The following GRHL2 variants were observed in gnomAD, a reference collection of about 807,000 sequenced individuals.
GRHL2 encodes the protein grainyhead-like protein 2 homolog.
GRHL2 carries 21 observed loss-of-function variants against 83.8 expected under a neutral mutation model. The observed-to-expected ratio is 0.25, with a 90% confidence interval of 0.18 to 0.36. The LOEUF (loss-of-function observed/expected upper bound fraction) is 0.36. GRHL2 is among the 10% of genes least tolerant of loss of function. GRHL2 has a pLI of 1.00. For missense variants in GRHL2, 623 were observed against 781.8 expected (o/e 0.80, Z 2.42); for synonymous variants, 280 against 278.9 (o/e 1.00, Z -0.04).
Position 101,669,691 on chromosome 8 carries a change from G to A in GRHL2, c.*2988G>A, listed in dbSNP as rs1814169683. 1 of 126,118 alleles carries A rather than the reference G, an allele frequency of 7.9e-6. No individual in the cohort carries two copies. The highest frequency in any genetic ancestry group is 3.1e-4 in the South Asian group (1 of 3,256). 7.8% of individuals were successfully genotyped at this position (126,118 alleles called of 1,614,324 possible). ...TATTTTATTTTTTGTACATTTTTAA[G>A]GAGAAAAAATAAATATTCATAACAT... On this transcript the variant is annotated 3_prime_UTR_variant, in exon 16 of 16. Transcript: ENST00000646743.
chr8:101,565,231 G>A (rs1282890225), intron 4 of GRHL2, among the ~76,000 whole-genome samples: 1 of 151,970 alleles, frequency 6.6e-6, no homozygotes, highest in Non-Finnish European at 1.5e-5. Context: ...AATATACAAT[G>A]GAGTGGTATT....
chr8:101,586,065 CTTT>C lies in GRHL2; in HGVS notation c.1003+8569_1003+8571del, dbSNP rs67985027. ...TCTTCTTTCCTTCCACCTCATGTTT[CTTT>C]TTTTTTTTTTTTTTTTTTTTTTGAG... On this transcript the variant is annotated intron_variant, in intron 7 of 15. Transcript: ENST00000646743. Among the ~76,000 whole-genome samples the C allele has an allele frequency of 6.3e-3, 594 of 94,124 alleles. 2 individuals are homozygous for C. The highest frequency in any genetic ancestry group is 9.4e-3 in the Non-Finnish European group (449 of 47,664). The allele number at this position is 94,124 out of a possible 152,430, so 61.7% of individuals were successfully genotyped here.
chr8:101,570,215 TA>T (rs1215960023), intron 4 of GRHL2, 123 bp from the exon 5 acceptor site: 2 of 835,042 alleles, frequency 2.4e-6, no homozygotes, highest in African/African-American at 3.4e-5. Context: ...GTTGAAAACA[TA>T]ATATCAAATA....
intron 1 of GRHL2, among the ~76,000 whole-genome samples, chr8:101,537,103 A>T (rs1007272021): frequency 6.6e-6 from 1 of 152,174 alleles, no homozygotes; most frequent in Non-Finnish European, 1.5e-5. Flanking sequence ...AAAGGACATG[A>T]TCTTGTTCTT....
intron 1 of GRHL2, among the ~76,000 whole-genome samples, chr8:101,502,995 G>A (rs1810262934): frequency 6.6e-6 from 1 of 152,184 alleles, no homozygotes; most frequent in African/African-American, 2.4e-5. Context: ...AGCAGCCGCA[G>A]TTTCACTTCA....
At chr8:101,509,117 C>CT (rs1810399933) in intron 1 of GRHL2, among the ~76,000 whole-genome samples, 1 of 57,828 alleles carries the variant, frequency 1.7e-5, no homozygotes, top group South Asian at 6.3e-4. Flanking sequence ...CTCCTTCCTT[C>CT]CTTCCTTCCT....
At position 101,543,281 on chromosome 8, in the gene GRHL2, C is replaced by A. The variant is rs898759692; in HGVS notation, c.61C>A (p.Pro21Thr). Residue 21 changes from proline (P) to threonine (T), a missense_variant, in exon 2 of 16, where the codon CCT (proline) becomes ACT (threonine). This residue lies in a region of GRHL2 where 39 missense variants were observed against 34.8 expected (regional missense o/e 1.12). Transcript: ENST00000646743. ...LVALVPMPSD[P>T]PFNTRRAYTS... ...GGCCTTAGTGCCCATGCCCAGTGAC[C>A]CTCCATTCAATACCCGAAGAGCCTA... 6.2e-7 allele frequency: 1 copy of A among 1,613,912 alleles called. No individual in the cohort carries two copies. Among genetic ancestry groups the A allele is most frequent in the Admixed American group, 1.7e-5 (1 of 60,000 alleles).
chr8:101,549,281 G>A (rs1051778008), intron 2 of GRHL2, among the ~76,000 whole-genome samples: 1 of 152,186 alleles, frequency 6.6e-6, no homozygotes, highest in Non-Finnish European at 1.5e-5. Context: ...ACATTGAGAT[G>A]GGAGACGTAT....
rs140423160 is a variant in GRHL2 at position 101,570,349 on chromosome 8, G to A, written c.689G>A (p.Ser230Asn). 1.1e-4 allele frequency: 178 copies of A among 1,613,924 alleles called. 2 individuals carry two copies. In the African/African-American group the frequency reaches 1.8e-3, roughly 16 times the overall value. The change falls in exon 5 of 16, where the codon AGT (serine) becomes AAT (asparagine). Residue 230 changes from serine (S) to asparagine (N), a missense_variant. Physicochemically the swap from Ser to Asn is conservative, Grantham distance 46. Around this residue, in one of 8 missense-constraint regions of GRHL2, gnomAD observed 239 missense variants for 240.5 expected, o/e 0.99. Coordinates refer to ENST00000646743, the MANE Select transcript of GRHL2 (RefSeq NM_024915.4). The stretch of plus-strand genomic sequence containing the variant: ...ACTCATATTTTGCAGAAATTTCGGA[G>A]TGCTTCAGTTGGGGCTGAGGAGTAC... ...FKDAATEKFRSASVGAEEYMY... is the reference protein window; with the variant it reads ...FKDAATEKFRNASVGAEEYMY...
intron 9 of GRHL2, among the ~76,000 whole-genome samples, chr8:101,620,884 A>G (rs1375996141): frequency 1.3e-5 from 2 of 152,170 alleles, no homozygotes; most frequent in Admixed American, 1.3e-4. Flanking sequence ...GAATTCTGAG[A>G]AGTCAGAAAC....
intron 1 of GRHL2, chr8:101,529,609 C>T (rs537244206): frequency 9.4e-6 from 2 of 211,726 alleles, no homozygotes; most frequent in Non-Finnish European, 2.0e-5. Flanking sequence ...CCCACTGCCT[C>T]TCAAGTATCT....
At chr8:101,625,137 A>G (rs767393130) in intron 9 of GRHL2, among the ~76,000 whole-genome samples, 9 of 151,170 alleles carry the variant, frequency 6.0e-5, no homozygotes, top group Non-Finnish European at 1.2e-4. Flanking sequence ...TATTTCAGAT[A>G]TTCCAGGGGA....
intron 11 of GRHL2, 175 bp from the exon 12 acceptor site, chr8:101,636,722 A>AATAC (rs1813293173): frequency 8.2e-6 from 4 of 488,928 alleles, no homozygotes; most frequent in Non-Finnish European, 1.4e-5. Flanking sequence ...TTTCCTTAGA[A>AATAC]ATACACACAC....
intron 8 of GRHL2, among the ~76,000 whole-genome samples, chr8:101,605,066 C>A (rs1363749897): frequency 2.6e-5 from 4 of 152,174 alleles, no homozygotes; most frequent in Non-Finnish European, 4.4e-5. Flanking sequence ...GTTCTTCCTG[C>A]ATTTTGGGAT....
At chr8:101,527,384 A>G (rs1810830225) in intron 1 of GRHL2, among the ~76,000 whole-genome samples, 1 of 152,190 alleles carries the variant, frequency 6.6e-6, no homozygotes, top group Admixed American at 6.5e-5. Flanking sequence ...ATTTTTTTGT[A>G]GAGACAGAGT....
chr8:101,607,560 G>T (rs925471061), intron 8 of GRHL2, among the ~76,000 whole-genome samples: 1 of 152,162 alleles, frequency 6.6e-6, no homozygotes, highest in Non-Finnish European at 1.5e-5. Context: ...TAATGTATTG[G>T]CTGATTTTAA....
At chr8:101,523,068 C>T (rs1032264823) in intron 1 of GRHL2, among the ~76,000 whole-genome samples, 19 of 151,760 alleles carry the variant, frequency 1.3e-4, no homozygotes, top group African/African-American at 4.1e-4. Context: ...CGCCACCATG[C>T]CCCGCTAATT....
At chr8:101,624,977 G>T (rs1323691962) in intron 9 of GRHL2, among the ~76,000 whole-genome samples, 2 of 152,024 alleles carry the variant, frequency 1.3e-5, no homozygotes, top group African/African-American at 4.8e-5. Context: ...GCCAAGGTAG[G>T]CTTTAGAAAC....
At chr8:101,541,650 A>T (rs1014474260) in intron 1 of GRHL2, among the ~76,000 whole-genome samples, 3 of 152,038 alleles carry the variant, frequency 2.0e-5, no homozygotes, top group Admixed American at 6.6e-5. Context: ...ACAATGTCTC[A>T]TTGTTCCATG....
Sources: allele counts gnomAD v4.1 joint callset (sites outside exome capture counted in the v4.1 genomes callset), GRCh38; gene constraint gnomAD v4.1.1; regional missense constraint gnomAD v4.1.1; transcripts MANE v1.5; gene names NCBI Gene and HGNC (gene_info 2026-07-23, HGNC 2026-07-21).